Variants in KIF13B observed in about 807,000 individuals in gnomAD.
KIF13B encodes kinesin-like protein KIF13B.
A neutral mutation model predicts 222.0 loss-of-function variants in KIF13B; 127 were observed. The observed-to-expected ratio is 0.57, with a 90% CI of 0.50 to 0.66. The LOEUF (loss-of-function observed/expected upper bound fraction) is 0.66. Among genes scored for constraint, KIF13B ranks in the 30% least tolerant of loss-of-function variants. The pLI is 0.00. For missense variants in KIF13B, 2,173 were observed against 2,379.0 expected (o/e 0.91, Z 1.80); for synonymous variants, 976 against 919.0 (o/e 1.06, Z -1.12).
intron 37 of KIF13B, among the ~76,000 whole-genome samples, chr8:29,078,858 C>T (rs1028261681): frequency 3.9e-5 from 6 of 152,170 alleles, no homozygotes; most frequent in Non-Finnish European, 8.8e-5. Flanking sequence ...GTCTACTGAG[C>T]GTTGCTGAAA....
In KIF13B at chr8:29,148,733, G is replaced by A. The variant is rs771524087; in HGVS notation, c.1657C>T (p.Arg553Ter). 2.5e-6 allele frequency: 4 copies of A among 1,599,136 alleles called. No individual in the cohort carries two copies. The highest frequency in any genetic ancestry group is 3.4e-6 in the Non-Finnish European group (4 of 1,173,740). ...NLPKKKKKAE[R>*]EDEDQDPSMK... ...GAGGGATCCTGGTCCTCATCCTCTC[G>A]TTCTGCTTTCTTTTTCTTTTTAGGC... The change falls in exon 16 of 40, where the codon CGA (arginine) becomes TGA (stop). Residue 553 changes from arginine (R) to a stop codon, truncating the protein, a stop_gained. Transcript: ENST00000524189. LOFTEE classifies it high-confidence loss of function.
intron 13 of KIF13B, among the ~76,000 whole-genome samples, chr8:29,159,210 G>A (rs997633940): frequency 1.3e-5 from 2 of 152,126 alleles, no homozygotes; most frequent in Non-Finnish European, 2.9e-5. Context: ...GGATGCAGTG[G>A]CATGATCTCA....
chr8:29,222,966 T>G (rs760899261), intron 2 of KIF13B, among the ~76,000 whole-genome samples: 2 of 152,088 alleles, frequency 1.3e-5, no homozygotes, highest in South Asian at 2.1e-4. Flanking sequence ...ATCTAACAAT[T>G]TGACATATAA....
At chr8:29,128,933 G>T (rs762845299) in intron 24 of KIF13B, among the ~76,000 whole-genome samples, 1 of 152,114 alleles carries the variant, frequency 6.6e-6, no homozygotes, top group Non-Finnish European at 1.5e-5. Context: ...AAGGCCCTCC[G>T]AAACCAGCCT....
intron 3 of KIF13B, 22 bp downstream of exon 3, chr8:29,196,165 C>A: frequency 1.3e-6 from 2 of 1,559,494 alleles, no homozygotes; most frequent in Non-Finnish European, 1.7e-6. Context: ...ACAAGCATCA[C>A]ATAACAAACC....
At position 29,067,439 on chromosome 8, in the gene KIF13B, C is replaced by T. The variant is rs1807048545; in HGVS notation, c.*3065G>A. On this transcript the variant is annotated 3_prime_UTR_variant, in exon 40 of 40. Transcript: ENST00000524189. ...TTTGGATTTTTTAAACTCCCATTTA[C>T]TGTGTACCAAATCAATATAATCACA... The T allele has an allele frequency of 1.3e-5, 2 of 152,564 alleles. No homozygotes were observed. Among genetic ancestry groups the T allele is most frequent in the African/African-American group, 4.8e-5 (2 of 41,448 alleles). The allele number at this position is 152,564 out of a possible 1,614,324, so 9.5% of individuals were successfully genotyped here. A position where few individuals can be genotyped will look rare whatever the true frequency, so the allele number is the denominator to read the frequency against.
intron 18 of KIF13B, among the ~76,000 whole-genome samples, chr8:29,143,375 A>G (rs952997802): frequency 3.9e-5 from 6 of 152,232 alleles, no homozygotes; most frequent in Non-Finnish European, 7.3e-5. Flanking sequence ...ATAAAACATG[A>G]AACACTTAAA....
intron 14 of KIF13B, among the ~76,000 whole-genome samples, chr8:29,151,239 T>A (rs1372037886): frequency 6.6e-6 from 1 of 151,950 alleles, no homozygotes; most frequent in Non-Finnish European, 1.5e-5. Flanking sequence ...CTGGGAGAAG[T>A]GAGGAAGCAA....
intron 2 of KIF13B, among the ~76,000 whole-genome samples, chr8:29,239,936 T>C (rs970791420): frequency 1.3e-5 from 2 of 150,854 alleles, no homozygotes; most frequent in Non-Finnish European, 2.9e-5. Flanking sequence ...CTGCTGGGAT[T>C]ACAGGCATGA....
chr8:29,246,771 G>C (rs539961819), intron 1 of KIF13B, among the ~76,000 whole-genome samples: 1 of 152,166 alleles, frequency 6.6e-6, no homozygotes, highest in South Asian at 2.1e-4. Context: ...CGATGGAATA[G>C]AATTGAGTCC....
At chr8:29,199,528 T>G (rs1284762891) in intron 2 of KIF13B, among the ~76,000 whole-genome samples, 2 of 144,484 alleles carry the variant, frequency 1.4e-5, no homozygotes, top group Non-Finnish European at 3.0e-5. Flanking sequence ...CAAAAGGTCA[T>G]GTTCAAAGGA....
chr8:29,088,626 T>G (rs1295422255), intron 37 of KIF13B, among the ~76,000 whole-genome samples: 1 of 152,198 alleles, frequency 6.6e-6, no homozygotes, highest in Non-Finnish European at 1.5e-5. Context: ...GGAACTCCAT[T>G]ATAACAAAGA....
chr8:29,259,458 T>C (rs1586999678), intron 1 of KIF13B, among the ~76,000 whole-genome samples: 1 of 152,328 alleles, frequency 6.6e-6, no homozygotes, highest in African/African-American at 2.4e-5. Flanking sequence ...TTTATAGATA[T>C]TTACTTATTT....
intron 5 of KIF13B, among the ~76,000 whole-genome samples, chr8:29,187,660 T>G (rs933541544): frequency 3.3e-5 from 5 of 152,254 alleles, no homozygotes; most frequent in African/African-American, 9.6e-5. Context: ...TACTGACACT[T>G]AAGTATAATT....
rs1052000049 is a variant in KIF13B at position 29,140,265 on chromosome 8, T to C, written c.2485-74A>G. The C allele has an allele frequency of 3.4e-5, 53 of 1,579,310 alleles. No individual in the cohort carries two copies. The East Asian group carries it at 1.0e-3, about 31-fold the overall frequency. The stretch of plus-strand genomic sequence containing the variant: ...CTCCCTTGAGATGACCTCTCTTCTC[T>C]TTTACAGTCAAGTTGTCAGGTTAAT... On this transcript the variant is annotated intron_variant, in intron 20 of 39. Coordinates refer to ENST00000524189, the MANE Select transcript of KIF13B (RefSeq NM_015254.4).
At chr8:29,117,236 G>T (rs184523825) in intron 30 of KIF13B, among the ~76,000 whole-genome samples, 1 of 152,224 alleles carries the variant, frequency 6.6e-6, no homozygotes, top group East Asian at 1.9e-4. Context: ...TTTAAAATTT[G>T]TATTAAAAAA....
intron 14 of KIF13B, among the ~76,000 whole-genome samples, chr8:29,154,033 G>A (rs542518565): frequency 2.0e-5 from 3 of 152,182 alleles, no homozygotes; most frequent in South Asian, 4.1e-4. Context: ...GGATCTTGGC[G>A]AGGCACAGTA....
At chr8:29,103,067 C>A (rs1402596936) in intron 35 of KIF13B, among the ~76,000 whole-genome samples, 1 of 151,832 alleles carries the variant, frequency 6.6e-6, no homozygotes, top group East Asian at 1.9e-4. Context: ...ATGATGAAAC[C>A]CCGTCTCTAC....
chr8:29,212,438 T>C (rs565096701), intron 2 of KIF13B, among the ~76,000 whole-genome samples: 1 of 152,312 alleles, frequency 6.6e-6, no homozygotes, highest in Non-Finnish European at 1.5e-5. Context: ...TTTAAACTTG[T>C]ATTTCTCTAA....
Sources: gnomAD v4.1 joint callset for allele counts (sites outside exome capture counted in the v4.1 genomes callset) on GRCh38, gnomAD v4.1.1 for gene constraint, MANE v1.5 for transcripts, NCBI Gene and HGNC (gene_info 2026-07-23, HGNC 2026-07-21) for gene names.